Variants in LCT observed in about 807,000 individuals in gnomAD.
The protein encoded by LCT is lactase.
A neutral mutation model predicts 173.0 loss-of-function variants in LCT; 90 were observed. That is an observed-to-expected ratio of 0.52 (90% CI 0.44 to 0.62). The LOEUF (loss-of-function observed/expected upper bound fraction) is 0.62. Ranked by LOEUF, LCT falls within the 20% of genes least tolerant of loss-of-function variation. The probability of loss-of-function intolerance (pLI) is 0.00; values close to 1 mark genes in which losing one functional copy is unlikely to be tolerated. For missense variants in LCT, 1,864 were observed against 2,431.4 expected, an observed-to-expected ratio of 0.77 and a Z score of 4.91; for synonymous variants, 853 against 957.6, an observed-to-expected ratio of 0.89 and a Z score of 2.02.
Position 135,804,850 on chromosome 2 carries a change from T to C in LCT, c.4381A>G (p.Thr1461Ala). Residue 1461 changes from threonine (T) to alanine (A), a missense_variant, in exon 10 of 17, where the codon ACC becomes GCC. Physicochemically the swap from Thr to Ala is moderately conservative, Grantham distance 58. This residue lies in a region of LCT where 514 missense variants were observed against 750.1 expected (regional missense o/e 0.69). Coordinates refer to ENST00000264162, the MANE Select transcript of LCT (RefSeq NM_002299.4). ...ISWSRILPDG[T>A]TRYINEAGLN... ...CCCGCTTCATTGATGTACCTGGTGGTTCCATCAGGGAGGATGCGAGACCAG... is the reference window on the plus strand; with the variant it reads ...CCCGCTTCATTGATGTACCTGGTGGCTCCATCAGGGAGGATGCGAGACCAG... The C allele has an allele frequency of 6.2e-7, 1 of 1,613,746 alleles. No homozygotes were observed.
intron 4 of LCT, among the ~76,000 whole-genome samples, chr2:135,823,593 G>A (rs1322596181): frequency 2.0e-5 from 3 of 152,196 alleles, no homozygotes; most frequent in East Asian, 1.9e-4. Context: ...ACCTTGGAGG[G>A]AGAGGTAATA....
chr2:135,800,144 G>A (rs564576236), intron 12 of LCT, among the ~76,000 whole-genome samples: 3 of 152,318 alleles, frequency 2.0e-5, no homozygotes, highest in African/African-American at 7.2e-5. Context: ...TCTCCAGTTT[G>A]AAGTTGAGGA....
chr2:135,809,126 T>C lies in LCT; in HGVS notation c.3221A>G (p.Tyr1074Cys). ...NEPMYLAWLG[Y>C]GSGEFPPGVK... ...CCCTGGGGGAAATTCCCCTGAGCCA[T>C]AACCTAGCCATGCCAGGTACATGGG... Residue 1074 changes from tyrosine to cysteine, a missense_variant, in exon 8 of 17, where the codon TAT becomes TGT. By Grantham distance (194) the Tyr-to-Cys change is radical. Coordinates refer to ENST00000264162, the MANE Select transcript of LCT (RefSeq NM_002299.4). The surrounding 1 kb of genome is among the most constrained non-coding windows in gnomAD (Gnocchi z 5.5). 6.2e-7 allele frequency: 1 copy of C among 1,614,190 alleles called. No homozygotes were observed. The highest frequency in any genetic ancestry group is 8.5e-7 in the Non-Finnish European group (1 of 1,180,026).
chr2:135,819,175 A>G (rs1188086034), intron 5 of LCT, among the ~76,000 whole-genome samples: 1 of 152,250 alleles, frequency 6.6e-6, no homozygotes, highest in African/African-American at 2.4e-5. Context: ...ATGTATATGC[A>G]TGTACATATG....
rs2077506294 is a variant in LCT, at chr2:135,788,143, G to A, written c.*181C>T. 1 of 654,026 alleles carries A rather than the reference G, an allele frequency of 1.5e-6. No individual in the cohort carries two copies. The highest frequency in any genetic ancestry group is 1.8e-5 in the African/African-American group (1 of 55,436). The allele number at this position is 654,026 out of a possible 1,614,324, so 40.5% of individuals were successfully genotyped here. A position where few individuals can be genotyped will look rare whatever the true frequency, so the allele number is the denominator to read the frequency against. ...AACTCTGATACTGGAGCAAGATGGA[G>A]ATATTTCCATTTTACTCAGCAAGTC... is the stretch of plus-strand genomic sequence containing the variant. On this transcript the variant is annotated 3_prime_UTR_variant, in exon 17 of 17. Transcript: ENST00000264162.
intron 5 of LCT, chr2:135,820,421 C>T (rs190410867): frequency 1.3e-5 from 2 of 152,314 alleles, no homozygotes; most frequent in Admixed American, 1.3e-4. Context: ...CAGTGGTAAC[C>T]CATGTCTGTC....
chr2:135,801,721 A>C (rs1295601727), intron 11 of LCT, among the ~76,000 whole-genome samples: 1 of 151,068 alleles, frequency 6.6e-6, no homozygotes, highest in African/African-American at 2.4e-5. Context: ...CTGCAGGCGC[A>C]TGCCACCACA....
chr2:135,812,562 G>A lies in LCT; in HGVS notation c.2102C>T (p.Pro701Leu), dbSNP rs1575340945. 6.2e-7 allele frequency: 1 copy of A among 1,613,944 alleles called. No homozygotes were observed. Among genetic ancestry groups the A allele is most frequent in the East Asian group, 2.2e-5 (1 of 44,880 alleles). Residue 701 changes from proline (P) to leucine (L), a missense_variant, in exon 7 of 17, where the codon CCT becomes CTT. Physicochemically the swap from Pro to Leu is moderately conservative, Grantham distance 98. Around this residue, in one of 4 missense-constraint regions of LCT, gnomAD observed 755 missense variants for 926.3 expected, o/e 0.82. Transcript: ENST00000264162. Reference protein sequence around the residue: ...ISNAPQNTCIPSYDTIGGFSQ... With the variant: ...ISNAPQNTCILSYDTIGGFSQ... Reference sequence around the variant, plus strand: ...GAAGCCTCCAATGGTATCATAGCTAGGGATGCAGGTGTTTTGTGGGGCGTT... The same window carrying A: ...GAAGCCTCCAATGGTATCATAGCTAAGGATGCAGGTGTTTTGTGGGGCGTT...
In LCT at chr2:135,804,982, C is replaced by G. The variant is rs1487172760; in HGVS notation, c.4249G>C (p.Glu1417Gln). Residue 1417 changes from glutamate (E) to glutamine (Q), a missense_variant, in exon 10 of 17, where the codon GAG becomes CAG. By Grantham distance (29) the Glu-to-Gln change is conservative. Transcript: ENST00000264162. ...DTFSHTPLRV[E>Q]NDAIGDVACD... ...GCCACGTCTCCAATGGCATCGTTCT[C>G]AACCCTCAGTGGTGTGTGAGAAAAC... 6.2e-7 allele frequency: 1 copy of G among 1,614,082 alleles called. No homozygotes were observed. Among genetic ancestry groups the G allele is most frequent in the African/African-American group, 1.3e-5 (1 of 74,940 alleles).
At chr2:135,824,456 G>A (rs547656736) in intron 3 of LCT, among the ~76,000 whole-genome samples, 58 of 152,176 alleles carry the variant, frequency 3.8e-4, no homozygotes, top group African/African-American at 1.3e-3. Context: ...CAGGAGGATC[G>A]CTTGAGCCCA....
rs2077510758 is a variant in LCT, at chr2:135,788,604, C to T, written c.5564-60G>A. ...GGCGCTGATTTGAGTTCTCAGATCT[C>T]TGAGACCCCAGCAGAGGCTGCACGG... On this transcript the variant is annotated intron_variant, in intron 16 of 16. Coordinates refer to ENST00000264162, the MANE Select transcript of LCT (RefSeq NM_002299.4). 4 of 1,086,178 alleles carry T rather than the reference C, an allele frequency of 3.7e-6. No homozygotes were observed. The East Asian group carries it at 9.4e-5, about 25-fold the overall frequency. The allele number at this position is 1,086,178 out of a possible 1,614,324, so 67.3% of individuals were successfully genotyped here.
In LCT at chr2:135,815,300, G is replaced by T. The variant is rs75916374; in HGVS notation, c.1707+2041C>A. Among the ~76,000 whole-genome samples the T allele has an allele frequency of 0.013, 2,043 of 152,280 alleles. 105 individuals carry two copies. In the East Asian group the frequency reaches 0.18, roughly 14 times the overall value. ...GAGTGAAGGGGACTTTCTCATCAAA[G>T]TCTCTGTAAAGATATCTCAAGAGCC... On this transcript the variant is annotated intron_variant, in intron 6 of 16. Coordinates refer to ENST00000264162, the MANE Select transcript of LCT (RefSeq NM_002299.4).
At chr2:135,826,413 A>G (rs2077889736) in intron 3 of LCT, among the ~76,000 whole-genome samples, 1 of 151,684 alleles carries the variant, frequency 6.6e-6, no homozygotes, top group Non-Finnish European at 1.5e-5. Flanking sequence ...AAAAAAAAAA[A>G]AAAAAAGCTA....
chr2:135,821,549 C>T (rs150510638), intron 5 of LCT: 256 of 184,188 alleles, frequency 1.4e-3, no homozygotes, highest in African/African-American at 4.8e-3. Flanking sequence ...GGCACAATCT[C>T]GGCTCACAGC....
At chr2:135,813,000 A>G (rs770570467) in intron 6 of LCT, 44 bp from the exon 7 acceptor site, 1 of 1,546,964 alleles carries the variant, frequency 6.5e-7, no homozygotes, top group Admixed American at 1.8e-5. Context: ...AGTAATAATA[A>G]CAATGACAAC....
Position 135,836,617 on chromosome 2 carries a change from G to T in LCT, c.553C>A (p.Gln185Lys), listed in dbSNP as rs1167914907. The T allele has an allele frequency of 6.2e-7, 1 of 1,614,000 alleles. No individual in the cohort carries two copies. Among genetic ancestry groups the T allele is most frequent in the South Asian group, 1.1e-5 (1 of 91,074 alleles). The stretch of plus-strand genomic sequence containing the variant: ...TGGAGTTGTGACGCTCTTGATTCCT[G>T]GTGGGGAAGCTCCTTGATCACTTCC... ...LEEVIKELPH[Q>K]ESRASQLQTL... The change falls in exon 1 of 17, where the codon CAG (glutamine) becomes AAG (lysine). Residue 185 changes from glutamine (Q) to lysine (K), a missense_variant. Physicochemically the swap from Gln to Lys is moderately conservative, Grantham distance 53. Transcript: ENST00000264162.
rs771913548 is a variant in LCT, at chr2:135,790,713, G to C, written c.5280C>G (p.Leu1760=). The C allele has an allele frequency of 1.2e-6, 2 of 1,613,552 alleles. No individual in the cohort carries two copies. The change falls in exon 15 of 17, where the codon CTC becomes CTG. Residue 1760 remains leucine (L), a synonymous_variant. Coordinates refer to ENST00000264162, the MANE Select transcript of LCT (RefSeq NM_002299.4). The surrounding 1 kb of genome is among the most constrained non-coding windows in gnomAD (Gnocchi z 4.1). ...NGVSQREETD[L]NDTARIYYLR... ...GGTAGTAGATCCTTGCAGTGTCATT[G>C]AGGTCTGTTTCTTCCCGCTGGGACA...
At chr2:135,828,341 G>A (rs1244256539) in intron 3 of LCT, among the ~76,000 whole-genome samples, 1 of 152,100 alleles carries the variant, frequency 6.6e-6, no homozygotes, top group Non-Finnish European at 1.5e-5. Flanking sequence ...CCTTTAAAGG[G>A]ATAATTCCTC....
At chr2:135,826,347 A>C (rs1439281436) in intron 3 of LCT, among the ~76,000 whole-genome samples, 9 of 149,258 alleles carry the variant, frequency 6.0e-5, no homozygotes, top group Non-Finnish European at 3.0e-5. Flanking sequence ...ACTTGAGGCC[A>C]GGAGTTCGAG....
Sources: gnomAD v4.1 joint callset for allele counts (sites outside exome capture counted in the v4.1 genomes callset) on GRCh38, gnomAD v4.1.1 for gene constraint, gnomAD v4.1.1 regional missense constraint, Gnocchi (gnomAD v3.1) non-coding constraint, MANE v1.5 for transcripts, NCBI Gene and HGNC (gene_info 2026-07-23, HGNC 2026-07-21) for gene names.